Variants in UBE2K observed in about 807,000 individuals in gnomAD.
UBE2K encodes ubiquitin-conjugating enzyme E2 K.
In UBE2K, 6 loss-of-function variants were observed where a neutral mutation model predicts 30.0. The ratio of observed to expected loss-of-function variants is 0.20; its 90% CI spans 0.11 to 0.39. UBE2K has a LOEUF of 0.39. Among genes scored for constraint, UBE2K ranks in the 10% least tolerant of loss-of-function variants. The pLI, the probability that UBE2K is intolerant of heterozygous loss-of-function variation, is 1.00. For synonymous variants in UBE2K, 86 were observed against 83.7 expected, an observed-to-expected ratio of 1.03 and a Z score of -0.15; for missense variants, 61 against 241.6, an observed-to-expected ratio of 0.25 and a Z score of 4.96.
intron 1 of UBE2K, among the ~76,000 whole-genome samples, chr4:39,716,336 C>A (rs1719057966): frequency 1.3e-5 from 2 of 152,172 alleles, no homozygotes; most frequent in Admixed American, 1.3e-4. Context: ...CAGTCTTAAC[C>A]TGTTGGGCTT....
chr4:39,775,020 A>G (rs1221161168), intron 5 of UBE2K, 87 bp downstream of exon 5: 1 of 692,402 alleles, frequency 1.4e-6, no homozygotes, highest in Non-Finnish European at 2.2e-6. Context: ...ACATGAGCAT[A>G]CTCTATTGAA....
chr4:39,721,737 A>G (rs574941429), intron 1 of UBE2K, among the ~76,000 whole-genome samples: 2 of 152,314 alleles, frequency 1.3e-5, no homozygotes, highest in East Asian at 1.9e-4. Context: ...AGCTAAGATC[A>G]TGTTGCTCTC....
chr4:39,719,836 T>G (rs1351069318), intron 1 of UBE2K, among the ~76,000 whole-genome samples: 1 of 152,226 alleles, frequency 6.6e-6, no homozygotes, highest in Non-Finnish European at 1.5e-5. Flanking sequence ...TGCCTCCTAT[T>G]AGACATTCAG....
intron 1 of UBE2K, among the ~76,000 whole-genome samples, chr4:39,718,401 C>T (rs938863240): frequency 1.3e-5 from 2 of 152,222 alleles, no homozygotes; most frequent in African/African-American, 4.8e-5. Context: ...CTTAGCTAGA[C>T]ATAAAGGTTC....
chr4:39,762,101 C>G (rs941078039), intron 4 of UBE2K, among the ~76,000 whole-genome samples: 8 of 151,866 alleles, frequency 5.3e-5, no homozygotes, highest in African/African-American at 1.7e-4. Flanking sequence ...TCGCTTAAAC[C>G]TGGAGGGGCA....
At chr4:39,699,353 C>T (rs530313948) in intron 1 of UBE2K, among the ~76,000 whole-genome samples, 158 of 152,214 alleles carry the variant, frequency 1.0e-3, no homozygotes, top group African/African-American at 3.6e-3. Flanking sequence ...TGAAATTTCA[C>T]CAGATTAATA....
At position 39,737,500 on chromosome 4, in the gene UBE2K, C is replaced by T. The variant is rs1158221912; in HGVS notation, c.144C>T (p.Asp48=). The change falls in exon 2 of 7, where the codon GAC becomes GAT. Residue 48 remains aspartate, a synonymous_variant. Transcript: ENST00000261427. ...GAGGAGAAATAGCAGGACCTCCAGA[C>T]ACACCATATGAAGGCAAGTACTTTT... is the stretch of plus-strand genomic sequence containing the variant. The part of the protein sequence containing the change: ...ELRGEIAGPP[D]TPYEGGRYQL... 2.5e-6 allele frequency: 4 copies of T among 1,572,374 alleles called. No individual in the cohort carries two copies. The South Asian group carries it at 3.7e-5, about 15-fold the overall frequency.
chr4:39,780,824 A>G lies in UBE2K; in HGVS notation c.*2390A>G, dbSNP rs747587198. 4.6e-5 allele frequency: 7 copies of G among 152,126 alleles called. No homozygotes were observed. Among genetic ancestry groups the G allele is most frequent in the Non-Finnish European group, 7.4e-5 (5 of 67,974 alleles). The allele number at this position is 152,126 out of a possible 1,614,324, so 9.4% of individuals were successfully genotyped here. A position where few individuals can be genotyped will look rare whatever the true frequency, so the allele number is the denominator to read the frequency against. On this transcript the variant is annotated 3_prime_UTR_variant, in exon 7 of 7. Coordinates refer to ENST00000261427, the MANE Select transcript of UBE2K (RefSeq NM_005339.5). ...CTCTGGTCTTAAATATGTTTGGACAAAAAGACACTAAAAGGTCAGGCCTAG... is the reference window on the plus strand; with the variant it reads ...CTCTGGTCTTAAATATGTTTGGACAGAAAGACACTAAAAGGTCAGGCCTAG...
chr4:39,729,720 T>G (rs978240901), intron 1 of UBE2K, among the ~76,000 whole-genome samples: 1 of 152,210 alleles, frequency 6.6e-6, no homozygotes, highest in Non-Finnish European at 1.5e-5. Context: ...CCCTGAATAA[T>G]CTGGCTTTTG....
intron 3 of UBE2K, among the ~76,000 whole-genome samples, chr4:39,750,238 T>C (rs1267626772): frequency 1.3e-5 from 2 of 152,016 alleles, no homozygotes; most frequent in East Asian, 3.9e-4. Flanking sequence ...ACTTCACATA[T>C]CTTCAGGTCT....
intron 4 of UBE2K, among the ~76,000 whole-genome samples, chr4:39,757,018 G>T (rs199660968): frequency 0.11 from 7,541 of 70,746 alleles, 570 homozygotes; most frequent in East Asian, 0.22. Context: ...TTTGTTTTTT[G>T]TTTTTTGTTT....
At chr4:39,718,964 G>A (rs1278328055) in intron 1 of UBE2K, among the ~76,000 whole-genome samples, 2 of 152,258 alleles carry the variant, frequency 1.3e-5, no homozygotes, top group Non-Finnish European at 2.9e-5. Context: ...TGCAGCGGTG[G>A]GCTGAAGGGC....
chr4:39,716,435 G>A (rs1342337037), intron 1 of UBE2K, among the ~76,000 whole-genome samples: 4 of 152,092 alleles, frequency 2.6e-5, no homozygotes, highest in Non-Finnish European at 5.9e-5. Flanking sequence ...TTTTTGTGGA[G>A]ACAGGGTTTT....
rs1491280263 is a variant in UBE2K at position 39,765,936 on chromosome 4, CAT to C, written c.300-8896_300-8895del. On this transcript the variant is annotated intron_variant, in intron 4 of 6. Coordinates refer to ENST00000261427, the MANE Select transcript of UBE2K (RefSeq NM_005339.5). ...ACATACATACATACATACATACATA[CAT>C]ACACACACACACATACACATACACA... Among the ~76,000 whole-genome samples the C allele has an allele frequency of 2.8e-4, 43 of 152,102 alleles. 1 individual carries two copies. Among genetic ancestry groups the C allele is most frequent in the African/African-American group, 8.7e-4 (36 of 41,484 alleles).
At chr4:39,758,856 T>G (rs1198789019) in intron 4 of UBE2K, among the ~76,000 whole-genome samples, 1 of 152,172 alleles carries the variant, frequency 6.6e-6, no homozygotes, top group African/African-American at 2.4e-5. Flanking sequence ...ACCAAAACAT[T>G]TTCTCCTAAT....
intron 3 of UBE2K, among the ~76,000 whole-genome samples, chr4:39,750,772 G>T (rs1247480532): frequency 6.6e-6 from 1 of 150,460 alleles, no homozygotes; most frequent in Non-Finnish European, 1.5e-5. Flanking sequence ...TTGAGACAGG[G>T]TCTTGCTGTG....
chr4:39,713,652 C>T (rs2109315564), intron 1 of UBE2K, among the ~76,000 whole-genome samples: 1 of 152,030 alleles, frequency 6.6e-6, no homozygotes, highest in South Asian at 2.1e-4. Flanking sequence ...TCACCACCAT[C>T]CATCTCCAGA....
chr4:39,755,868 C>T (rs1721495640), intron 4 of UBE2K, 129 bp downstream of exon 4: 1 of 611,026 alleles, frequency 1.6e-6, no homozygotes, highest in Non-Finnish European at 2.8e-6. Context: ...TTAAAAGTCT[C>T]TTAAGTGCAT....
At chr4:39,767,024 T>G (rs1416650097) in intron 4 of UBE2K, among the ~76,000 whole-genome samples, 1 of 152,198 alleles carries the variant, frequency 6.6e-6, no homozygotes, top group Non-Finnish European at 1.5e-5. Flanking sequence ...GTGCTGGGAT[T>G]ACAGGTGTGA....
Sources: gnomAD v4.1 joint callset for allele counts (sites outside exome capture counted in the v4.1 genomes callset) on GRCh38, gnomAD v4.1.1 for gene constraint, MANE v1.5 for transcripts, NCBI Gene and HGNC (gene_info 2026-07-23, HGNC 2026-07-21) for gene names.